Variants in DMD observed in about 807,000 individuals in gnomAD.
The protein encoded by DMD is mutant dystrophin.
DMD carries 63 observed loss-of-function variants against 330.1 expected under a neutral mutation model. That is an observed-to-expected ratio of 0.19 (90% CI 0.16 to 0.24). The LOEUF (loss-of-function observed/expected upper bound fraction) is 0.24, where lower values mean the gene tolerates loss of function less well. Ranked by LOEUF, DMD falls within the 10% of genes least tolerant of loss-of-function variation. The pLI is 1.00. For missense variants in DMD, 3,344 were observed against 2,684.1 expected (o/e 1.25, Z -5.43); for synonymous variants, 1,223 against 959.8 (o/e 1.27, Z -5.07).
At chrX:33,034,658 T>G (rs72626070) in intron 1 of DMD, among the ~76,000 whole-genome samples, 1 of 112,350 alleles carries the variant, frequency 8.9e-6, no homozygotes, top group East Asian at 2.8e-4. Flanking sequence ...ATCTGCTTCT[T>G]TATTCTAGGT....
At chrX:31,153,396 A>G (rs781444329) in intron 74 of DMD, among the ~76,000 whole-genome samples, 5 of 111,375 alleles carry the variant, frequency 4.5e-5, no homozygotes, top group Non-Finnish European at 7.5e-5. Context: ...TTGGGCCACT[A>G]CCTTGTAAGG....
chrX:32,491,821 G>A (rs2043026794), intron 19 of DMD, among the ~76,000 whole-genome samples: 1 of 111,490 alleles, frequency 9.0e-6, no homozygotes, highest in Non-Finnish European at 1.9e-5. Context: ...AGTGCTCAAA[G>A]CTCTGATGGG....
chrX:31,924,882 A>C (rs2149957958), intron 47 of DMD, among the ~76,000 whole-genome samples: 1 of 112,140 alleles, frequency 8.9e-6, no homozygotes, highest in Admixed American at 9.5e-5. Context: ...TTTTATGTGT[A>C]GATAGTAAAT....
At chrX:33,327,075 A>G (rs2054098783) in intron 1 of DMD, among the ~76,000 whole-genome samples, 1 of 112,551 alleles carries the variant, frequency 8.9e-6, no homozygotes. Flanking sequence ...AATTAAATGT[A>G]CTTGTTTTAT....
At chrX:31,699,638 CACAA>C (rs1286200897) in intron 52 of DMD, among the ~76,000 whole-genome samples, 1 of 111,726 alleles carries the variant, frequency 9.0e-6, no homozygotes, top group African/African-American at 3.3e-5. Context: ...CAAATTTTGC[CACAA>C]ACAAACAAAC....
At chrX:32,136,665 C>A (rs1294620899) in intron 44 of DMD, among the ~76,000 whole-genome samples, 3 of 112,437 alleles carry the variant, frequency 2.7e-5, no homozygotes, top group Non-Finnish European at 1.9e-5. Context: ...CTTCAAAAAA[C>A]AGGGTCATTA....
intron 42 of DMD, among the ~76,000 whole-genome samples, chrX:32,290,888 C>T (rs972414118): frequency 7.1e-5 from 8 of 112,059 alleles, no homozygotes; most frequent in Non-Finnish European, 1.9e-5. Context: ...TGGTACCAAA[C>T]ATTTTCTAGA....
intron 29 of DMD, among the ~76,000 whole-genome samples, chrX:32,431,346 A>T (rs1186544341): frequency 1.8e-5 from 2 of 111,466 alleles, no homozygotes; most frequent in Non-Finnish European, 3.8e-5. Flanking sequence ...TTTCATATAT[A>T]TGTTGGCCAT....
chrX:32,931,738 G>T (rs1393274707), intron 2 of DMD, among the ~76,000 whole-genome samples: 1 of 111,710 alleles, frequency 9.0e-6, no homozygotes, highest in South Asian at 3.7e-4. Flanking sequence ...ATGTCCATGA[G>T]TGAAGACCAA....
chrX:32,958,751 G>T (rs907584492), intron 2 of DMD, among the ~76,000 whole-genome samples: 2 of 110,780 alleles, frequency 1.8e-5, no homozygotes, highest in African/African-American at 6.6e-5. Context: ...CTCCCTACCA[G>T]AAAGGTAATC....
At chrX:32,428,892 G>A (rs1023601608) in intron 29 of DMD, among the ~76,000 whole-genome samples, 5 of 111,459 alleles carry the variant, frequency 4.5e-5, no homozygotes, top group Non-Finnish European at 9.4e-5. Context: ...GATTAGAGGC[G>A]TGAGCCACCA....
rs186486545 is a variant in DMD, at chrX:31,275,481, C to T, written c.9225-14465G>A. Among the ~76,000 whole-genome samples the T allele has an allele frequency of 2.5e-4, 28 of 111,281 alleles. No homozygotes were observed. In the East Asian group the frequency reaches 7.3e-3, roughly 29 times the overall value. On this transcript the variant is annotated intron_variant, in intron 62 of 78. Transcript: ENST00000357033. ...AAGACCTTCACGTGGGAATTGAAGTCCTCACAGCTTGACCTACTCTCATCC... is the reference window on the plus strand; with the variant it reads ...AAGACCTTCACGTGGGAATTGAAGTTCTCACAGCTTGACCTACTCTCATCC...
At chrX:32,794,037 T>C (rs2076011071) in intron 7 of DMD, among the ~76,000 whole-genome samples, 1 of 111,578 alleles carries the variant, frequency 9.0e-6, no homozygotes, top group African/African-American at 3.3e-5. Context: ...TATTATCAAG[T>C]GGAATTTATC....
rs886044658 is a variant in DMD, at chrX:32,595,836, T to C, written c.1523A>G (p.Asn508Ser). The change falls in exon 13 of 79, where the codon AAT becomes AGT. Residue 508 changes from asparagine to serine, a missense_variant. By Grantham distance (46) the Asn-to-Ser change is conservative (BLOSUM62 1). Transcript: ENST00000357033. Reference protein sequence around the residue: ...EDLEQEQVRVNSLTHMVVVVD... With the variant: ...EDLEQEQVRVSSLTHMVVVVD... ...TACCACCACCATGTGAGTGAGAGAA[T>C]TGACCCTGACTTGTTCTTGTTCTAG... is the stretch of plus-strand genomic sequence containing the variant. The C allele has an allele frequency of 2.5e-6, 3 of 1,201,446 alleles. No homozygotes were observed. Among genetic ancestry groups the C allele is most frequent in the Non-Finnish European group, 1.1e-6 (1 of 887,376 alleles).
intron 2 of DMD, among the ~76,000 whole-genome samples, chrX:33,009,516 ATATGTGTG>A (rs1392049664): frequency 3.4e-5 from 3 of 87,166 alleles, no homozygotes; most frequent in Non-Finnish European, 6.6e-5. Context: ...GTATATACAC[ATATGTGTG>A]TATGTGTGTA....
At chrX:32,942,961 G>T (rs2090533047) in intron 2 of DMD, among the ~76,000 whole-genome samples, 1 of 111,465 alleles carries the variant, frequency 9.0e-6, no homozygotes, top group Non-Finnish European at 1.9e-5. Context: ...AACATTTAAG[G>T]TCTTCATGTA....
intron 57 of DMD, among the ~76,000 whole-genome samples, chrX:31,495,146 AT>A (rs200871556): frequency 5.1e-3 from 476 of 94,213 alleles, no homozygotes; most frequent in Admixed American, 9.7e-3. Context: ...TTTCCCTGGC[AT>A]TTTTTTTTTT....
At chrX:31,362,910 A>G (rs1043858259) in intron 60 of DMD, among the ~76,000 whole-genome samples, 2 of 112,842 alleles carry the variant, frequency 1.8e-5, no homozygotes, top group Non-Finnish European at 3.7e-5. Context: ...AGATCGTGCC[A>G]CTGCACTCCA....
At chrX:32,052,325 T>C (rs761508262) in intron 44 of DMD, among the ~76,000 whole-genome samples, 12 of 111,033 alleles carry the variant, frequency 1.1e-4, no homozygotes, top group Admixed American at 6.7e-4. Context: ...TGACCCCAAA[T>C]GAATCTTAAC....
Sources: gnomAD v4.1 joint callset for allele counts (sites outside exome capture counted in the v4.1 genomes callset) on GRCh38, gnomAD v4.1.1 for gene constraint, MANE v1.5 for transcripts, NCBI Gene and HGNC (gene_info 2026-07-23, HGNC 2026-07-21) for gene names.